The following CNTLN variants were observed in gnomAD, a reference collection of about 807,000 sequenced individuals.
CNTLN encodes centlein, also known as centlein, centrosomal protein.
A neutral mutation model predicts 180.0 loss-of-function variants in CNTLN; 212 were observed. The ratio of observed to expected loss-of-function variants is 1.18; its 90% CI spans 1.05 to 1.32. CNTLN has a LOEUF of 1.32. Among genes scored for constraint, CNTLN ranks in the 40% most tolerant of loss-of-function variants. CNTLN has a pLI of 0.00. For synonymous variants in CNTLN, 722 were observed against 563.1 expected, an observed-to-expected ratio of 1.28 and a Z score of -3.99; for missense variants, 2,095 against 1,610.9, an observed-to-expected ratio of 1.30 and a Z score of -5.14.
chr9:17,391,015 A>T (rs1168955405), intron 14 of CNTLN, among the ~76,000 whole-genome samples: 1 of 152,210 alleles, frequency 6.6e-6, no homozygotes, highest in Non-Finnish European at 1.5e-5. Context: ...TAACACGAGA[A>T]ATACATAACA....
intron 6 of CNTLN, among the ~76,000 whole-genome samples, chr9:17,279,342 C>G (rs565154348): frequency 6.6e-6 from 1 of 152,112 alleles, no homozygotes; most frequent in Admixed American, 6.6e-5. Flanking sequence ...TGTTTTGATT[C>G]ATCTCATGAG....
intron 5 of CNTLN, among the ~76,000 whole-genome samples, chr9:17,248,775 A>G (rs1319473094): frequency 6.6e-6 from 1 of 151,548 alleles, no homozygotes. Flanking sequence ...ACCTGAACGG[A>G]CCAGTAATGA....
chr9:17,225,443 TTA>T (rs1824405765), intron 2 of CNTLN, among the ~76,000 whole-genome samples: 8 of 152,052 alleles, frequency 5.3e-5, no homozygotes, highest in Admixed American at 5.3e-4. Context: ...GTTTAATTAT[TTA>T]TGTTTTTCTA....
chr9:17,170,508 C>T (rs1018136651), intron 2 of CNTLN, among the ~76,000 whole-genome samples: 55 of 152,008 alleles, frequency 3.6e-4, no homozygotes, highest in Admixed American at 7.2e-4. Flanking sequence ...TTCCTTTTTA[C>T]ATTCTTTCTG....
chr9:17,318,719 G>C (rs1054068226), intron 8 of CNTLN, among the ~76,000 whole-genome samples: 1 of 152,134 alleles, frequency 6.6e-6, no homozygotes, highest in Non-Finnish European at 1.5e-5. Context: ...TAGGGAAGTA[G>C]TAATGAAGAG....
At chr9:17,176,605 A>T (rs1820734192) in intron 2 of CNTLN, among the ~76,000 whole-genome samples, 1 of 152,210 alleles carries the variant, frequency 6.6e-6, no homozygotes, top group South Asian at 2.1e-4. Flanking sequence ...CATAAAATGA[A>T]TCAGGAAGTG....
At chr9:17,424,011 G>A (rs1457786714) in intron 18 of CNTLN, among the ~76,000 whole-genome samples, 3 of 152,102 alleles carry the variant, frequency 2.0e-5, no homozygotes, top group Non-Finnish European at 4.4e-5. Context: ...TTGGTTCTTA[G>A]GAAGGTGCTT....
At chr9:17,478,689 A>G (rs77893869) in intron 23 of CNTLN, among the ~76,000 whole-genome samples, 4,609 of 152,132 alleles carry the variant, frequency 0.03, 237 homozygotes, top group African/African-American at 0.11. Context: ...AGAGGAGTCT[A>G]ATTTCAATTT....
chr9:17,136,530 C>T (rs1366253784), intron 1 of CNTLN, among the ~76,000 whole-genome samples: 1 of 152,120 alleles, frequency 6.6e-6, no homozygotes, highest in African/African-American at 2.4e-5. Context: ...GGGGTTTCAC[C>T]GTGTTAGCCA....
chr9:17,307,467 G>A (rs1400944463), intron 7 of CNTLN, among the ~76,000 whole-genome samples: 3 of 151,832 alleles, frequency 2.0e-5, no homozygotes, highest in Non-Finnish European at 4.4e-5. Context: ...ACGGGGATTC[G>A]TCATATTGCC....
chr9:17,399,575 T>C (rs927353150), intron 15 of CNTLN, among the ~76,000 whole-genome samples: 4 of 152,234 alleles, frequency 2.6e-5, no homozygotes, highest in Non-Finnish European at 5.9e-5. Flanking sequence ...TTTTCAACCT[T>C]AGTGCTAAAG....
chr9:17,414,085 C>T (rs1426675531), intron 16 of CNTLN, among the ~76,000 whole-genome samples: 3 of 152,162 alleles, frequency 2.0e-5, no homozygotes, highest in Non-Finnish European at 4.4e-5. Flanking sequence ...CCTGAAATTT[C>T]TCATCTTGGA....
At chr9:17,438,318 C>G (rs1440086362) in intron 18 of CNTLN, among the ~76,000 whole-genome samples, 1 of 151,652 alleles carries the variant, frequency 6.6e-6, no homozygotes, top group East Asian at 1.9e-4. Context: ...GAGATCTAGA[C>G]AATATTAGTA....
At chr9:17,491,671 G>A (rs73418332) in intron 25 of CNTLN, among the ~76,000 whole-genome samples, 3,855 of 152,126 alleles carry the variant, frequency 0.025, 173 homozygotes, top group African/African-American at 0.087. Context: ...AATTCTGTCT[G>A]TTTGCCTTCA....
At chr9:17,440,706 G>A (rs981389356) in intron 18 of CNTLN, among the ~76,000 whole-genome samples, 1 of 152,160 alleles carries the variant, frequency 6.6e-6, no homozygotes, top group African/African-American at 2.4e-5. Context: ...ATCAACTTAT[G>A]AATGGAGAAA....
At chr9:17,351,300 A>C (rs1421099828) in intron 12 of CNTLN, among the ~76,000 whole-genome samples, 1 of 152,130 alleles carries the variant, frequency 6.6e-6, no homozygotes, top group Non-Finnish European at 1.5e-5. Context: ...CTATCATCCC[A>C]TGATTTTAGT....
Position 17,484,373 on chromosome 9 carries a change from A to C in CNTLN, c.3934A>C (p.Arg1312=). 1.2e-6 allele frequency: 2 copies of C among 1,612,650 alleles called. No homozygotes were observed. The highest frequency in any genetic ancestry group is 1.7e-6 in the Non-Finnish European group (2 of 1,179,480). Residue 1312 remains arginine, a synonymous_variant, in exon 24 of 26, where the codon AGG becomes CGG. Transcript: ENST00000380647. ...AGAGCTTAAAAAAATGAAGAAAAAC[A>C]GGGACGCCTGTAAAACCTCAACCCA... ...IRELKKMKKN[R]DACKTSTHKA... is the part of the protein sequence containing the mutation.
At chr9:17,448,090 G>A (rs1188067362) in intron 18 of CNTLN, 1 of 177,252 alleles carries the variant, frequency 5.6e-6, no homozygotes, top group Non-Finnish European at 1.2e-5. Context: ...TAGAAGATCA[G>A]GGAGTTTGAG....
At chr9:17,506,591 T>A (rs1833936347), downstream of CNTLN, among the ~76,000 whole-genome samples, 1 of 152,184 alleles carries the variant, frequency 6.6e-6, no homozygotes, top group Non-Finnish European at 1.5e-5. Context: ...TTTGCCTATT[T>A]TAATTTCTTC....
Sources: gnomAD v4.1 joint callset for allele counts (sites outside exome capture counted in the v4.1 genomes callset) on GRCh38, gnomAD v4.1.1 for gene constraint, MANE v1.5 for transcripts, NCBI Gene and HGNC (gene_info 2026-07-23, HGNC 2026-07-21) for gene names.